Variants in LRRIQ1 observed in about 807,000 individuals in gnomAD.
LRRIQ1 encodes the protein leucine rich repeats and IQ motif containing 1.
LRRIQ1 carries 210 observed loss-of-function variants against 211.9 expected under a neutral mutation model. That is an observed-to-expected ratio of 0.99 (90% confidence interval 0.89 to 1.11). The LOEUF is 1.11. LRRIQ1 is among the 50% of genes most tolerant of loss of function. LRRIQ1 has a pLI of 0.00. For synonymous variants in LRRIQ1, 699 were observed against 650.1 expected (o/e 1.08, Z -1.14); for missense variants, 2,136 against 1,939.5 (o/e 1.10, Z -1.90).
rs1473291100 is a variant in LRRIQ1 at position 85,106,565 on chromosome 12, C to A, written c.3327C>A (p.Leu1109=). 2 of 1,612,432 alleles carry A rather than the reference C, an allele frequency of 1.2e-6. No individual in the cohort carries two copies. The highest frequency in any genetic ancestry group is 2.7e-5 in the African/African-American group (2 of 74,850). ...AIKWFDACYS[L]HELSLTGNPL... ...AATGGTTTGATGCATGCTATTCTCT[C>A]CATGAATTGTCTCTTACTGGAAACC... The change falls in exon 15 of 27, where the codon CTC becomes CTA. Residue 1109 remains leucine (L), a synonymous_variant. Coordinates refer to ENST00000393217, the MANE Select transcript of LRRIQ1 (RefSeq NM_001079910.2).
chr12:85,211,262 C>T (rs1893822664), intron 24 of LRRIQ1, among the ~76,000 whole-genome samples: 1 of 152,156 alleles, frequency 6.6e-6, no homozygotes, highest in Non-Finnish European at 1.5e-5. Context: ...TAGAACGAAT[C>T]ATTCTTGCTT....
intron 14 of LRRIQ1, among the ~76,000 whole-genome samples, chr12:85,106,264 C>A (rs999054126): frequency 6.6e-6 from 1 of 152,068 alleles, no homozygotes; most frequent in Non-Finnish European, 1.5e-5. Flanking sequence ...TAATCCTAAC[C>A]CTATAAGACA....
the LRRIQ1 span, among the ~76,000 whole-genome samples, chr12:85,272,430 T>C: frequency 6.6e-6 from 1 of 152,038 alleles, no homozygotes; most frequent in Non-Finnish European, 1.5e-5. Context: ...CATATATGAA[T>C]CAAATACAGT....
At chr12:85,244,692 A>G (rs372636696) in intron 26 of LRRIQ1, 97 bp from the exon 27 acceptor site, 49 of 1,056,130 alleles carry the variant, frequency 4.6e-5, no homozygotes, top group Non-Finnish European at 7.1e-5. Flanking sequence ...AGGTTGTTTG[A>G]CAGAGCCTGT....
At chr12:85,250,858 TA>T in intron 1 of LRRIQ1, among the ~76,000 whole-genome samples, 1 of 109,558 alleles carries the variant, frequency 9.1e-6, no homozygotes, top group Non-Finnish European at 1.8e-5. Context: ...ATATAATATA[TA>T]TTATAGATTA....
rs201203888 is a variant in LRRIQ1 at position 85,197,604 on chromosome 12, C to G, written c.4823-31913C>G. On this transcript the variant is annotated intron_variant, in intron 24 of 26. Transcript: ENST00000393217. ...CAAAAAACCAAACACCACATATTCT[C>G]ACTCATAGGTGGGAACTGAACAATG... Among the ~76,000 whole-genome samples the G allele has an allele frequency of 5.3e-4, 80 of 151,328 alleles. 2 individuals are homozygous for G. In the East Asian group the frequency reaches 8.6e-3, roughly 16 times the overall value.
At chr12:85,211,087 T>C (rs1893815518) in intron 24 of LRRIQ1, among the ~76,000 whole-genome samples, 1 of 152,158 alleles carries the variant, frequency 6.6e-6, no homozygotes, top group Non-Finnish European at 1.5e-5. Flanking sequence ...TGAGTAAAAC[T>C]TTTTCTTTCT....
At chr12:85,121,622 T>A in intron 15 of LRRIQ1, 75 bp from the exon 16 acceptor site, 4 of 1,010,792 alleles carry the variant, frequency 4.0e-6, no homozygotes, top group Middle Eastern at 2.7e-4. Flanking sequence ...ATTTAAATGA[T>A]TAGTATATGG....
At chr12:85,263,095 A>T (rs940446377) in exon 2 of LRRIQ1, 6 of 986,440 alleles carry the variant, frequency 6.1e-6, no homozygotes, top group African/African-American at 1.7e-5. Flanking sequence ...CATGTGGCAA[A>T]CTGTTTCATG....
intron 15 of LRRIQ1, among the ~76,000 whole-genome samples, chr12:85,108,828 A>G (rs1886963737): frequency 6.6e-6 from 1 of 152,190 alleles, no homozygotes; most frequent in Non-Finnish European, 1.5e-5. Context: ...GCCAATACAA[A>G]CATGCTAAGT....
At position 85,121,694 on chromosome 12, in the gene LRRIQ1, T is replaced by C. The variant is rs748480229; in HGVS notation, c.3378-3T>C. On this transcript the variant is annotated splice_region_variant and splice_polypyrimidine_tract_variant and intron_variant, in intron 15 of 26. Transcript: ENST00000393217. ...TTATTAACTTTTTTGTTGTTTTCAATAGGGATTCTCTACTTAAAGTGTTGC... is the reference window on the plus strand; with the variant it reads ...TTATTAACTTTTTTGTTGTTTTCAACAGGGATTCTCTACTTAAAGTGTTGC... 1.5e-5 allele frequency: 24 copies of C among 1,560,608 alleles called. No individual in the cohort carries two copies. Among genetic ancestry groups the C allele is most frequent in the Non-Finnish European group, 2.0e-5 (23 of 1,156,104 alleles).
chr12:85,245,494 AAATATATAATACATTTAT>A (rs1306599450), downstream of LRRIQ1, among the ~76,000 whole-genome samples: 1 of 139,404 alleles, frequency 7.2e-6, no homozygotes, highest in African/African-American at 3.2e-5. Flanking sequence ...CATATATATT[AAATATATAATACATTTAT>A]ATAACATATT....
intron 1 of LRRIQ1, among the ~76,000 whole-genome samples, chr12:85,036,666 A>G (rs141124483): frequency 3.3e-5 from 5 of 151,702 alleles, no homozygotes; most frequent in African/African-American, 1.2e-4. Flanking sequence ...CTCCCCACAA[A>G]CCAATTGACG....
intron 24 of LRRIQ1, among the ~76,000 whole-genome samples, chr12:85,194,360 C>T (rs1892770620): frequency 7.8e-6 from 1 of 128,864 alleles, no homozygotes; most frequent in Non-Finnish European, 1.6e-5. Context: ...CCCAAATCAA[C>T]AGAATATACA....
At chr12:85,245,191 C>A, downstream of LRRIQ1, 1 of 409,048 alleles carries the variant, frequency 2.4e-6, no homozygotes. Flanking sequence ...ATTCTTTGAT[C>A]ATTTAATTCT....
intron 26 of LRRIQ1, among the ~76,000 whole-genome samples, chr12:85,236,038 T>G (rs1481397228): frequency 6.6e-6 from 1 of 152,116 alleles, no homozygotes; most frequent in Non-Finnish European, 1.5e-5. Flanking sequence ...CTATAAAGAT[T>G]GGAAAGCTGA....
At chr12:85,221,572 G>C (rs79795731) in intron 24 of LRRIQ1, among the ~76,000 whole-genome samples, 6 of 152,242 alleles carry the variant, frequency 3.9e-5, no homozygotes, top group Non-Finnish European at 7.4e-5. Context: ...GATGATCAGG[G>C]AGCATACCCC....
chr12:85,066,234 C>T (rs1004039556), intron 9 of LRRIQ1, among the ~76,000 whole-genome samples: 4 of 151,858 alleles, frequency 2.6e-5, no homozygotes, highest in Admixed American at 1.3e-4. Context: ...AGGCATCAGG[C>T]TCAAGCTCAA....
At chr12:85,077,940 A>G (rs1406867233) in intron 11 of LRRIQ1, among the ~76,000 whole-genome samples, 1 of 151,622 alleles carries the variant, frequency 6.6e-6, no homozygotes, top group Non-Finnish European at 1.5e-5. Context: ...GTAAGCCGAG[A>G]TCACACCAAT....
Sources: gnomAD v4.1 joint callset for allele counts (sites outside exome capture counted in the v4.1 genomes callset) on GRCh38, gnomAD v4.1.1 for gene constraint, MANE v1.5 for transcripts, NCBI Gene and HGNC (gene_info 2026-07-23, HGNC 2026-07-21) for gene names.